The following LRRC7 variants were observed in gnomAD, a reference collection of about 807,000 sequenced individuals.
LRRC7 encodes the protein leucine rich repeat containing 7.
LRRC7 carries 23 observed loss-of-function variants against 175.7 expected under a neutral mutation model. The observed-to-expected ratio is 0.13, with a 90% CI of 0.09 to 0.19. LRRC7 has a LOEUF of 0.19. Among genes scored for constraint, LRRC7 ranks in the 10% least tolerant of loss-of-function variants. The pLI, the probability that LRRC7 is intolerant of heterozygous loss-of-function variation, is 1.00. For missense variants in LRRC7, 1,354 were observed against 1,904.7 expected, an observed-to-expected ratio of 0.71 and a Z score of 5.38; for synonymous variants, 685 against 680.9, an observed-to-expected ratio of 1.01 and a Z score of -0.09.
chr1:69,950,157 A>G (rs958022205), intron 8 of LRRC7, among the ~76,000 whole-genome samples: 6 of 152,110 alleles, frequency 3.9e-5, no homozygotes, highest in Non-Finnish European at 7.4e-5. Context: ...AAATTTTGCC[A>G]TTCAGAAATC....
chr1:69,653,869 A>T (rs1301249345), intron 1 of LRRC7, among the ~76,000 whole-genome samples: 1 of 152,092 alleles, frequency 6.6e-6, no homozygotes, highest in Non-Finnish European at 1.5e-5. Flanking sequence ...CAGAAGGACA[A>T]ATACTAAATG....
chr1:69,626,196 A>T (rs998270240), intron 1 of LRRC7, among the ~76,000 whole-genome samples: 1 of 152,134 alleles, frequency 6.6e-6, no homozygotes, highest in Non-Finnish European at 1.5e-5. Context: ...CCTCAGGAAC[A>T]TCTTGCTTGA....
At chr1:69,570,547 A>G (rs1193868200) in intron 1 of LRRC7, among the ~76,000 whole-genome samples, 2 of 151,900 alleles carry the variant, frequency 1.3e-5, no homozygotes, top group African/African-American at 2.4e-5. Flanking sequence ...GCACTTCAGA[A>G]CCTGCTGTGA....
At chr1:69,908,271 G>C (rs944292877) in intron 7 of LRRC7, among the ~76,000 whole-genome samples, 1 of 152,022 alleles carries the variant, frequency 6.6e-6, no homozygotes, top group African/African-American at 2.4e-5. Flanking sequence ...CTTCAGTTCT[G>C]CTCTGACTTT....
intron 7 of LRRC7, among the ~76,000 whole-genome samples, chr1:69,867,850 G>A (rs752288245): frequency 6.6e-6 from 1 of 152,148 alleles, no homozygotes; most frequent in South Asian, 2.1e-4. Flanking sequence ...GAAACTTAGA[G>A]GATAGGACAG....
At chr1:69,801,284 G>A (rs888783823) in intron 4 of LRRC7, among the ~76,000 whole-genome samples, 2 of 151,742 alleles carry the variant, frequency 1.3e-5, no homozygotes, top group Admixed American at 6.6e-5. Context: ...TGTTTCATGA[G>A]GATTGGTACC....
At chr1:69,717,964 AG>A (rs1157097069) in intron 2 of LRRC7, among the ~76,000 whole-genome samples, 2 of 52,150 alleles carry the variant, frequency 3.8e-5, no homozygotes, top group South Asian at 6.9e-4. Flanking sequence ...AAGAAGAAAA[AG>A]AAAGAAAGAG....
At chr1:69,641,152 G>A (rs898269819) in intron 1 of LRRC7, among the ~76,000 whole-genome samples, 4 of 151,344 alleles carry the variant, frequency 2.6e-5, no homozygotes, top group African/African-American at 9.7e-5. Flanking sequence ...TTTACATTAG[G>A]AATAAATTCA....
intron 1 of LRRC7, among the ~76,000 whole-genome samples, chr1:69,623,097 C>A (rs1282510263): frequency 6.6e-6 from 1 of 152,132 alleles, no homozygotes; most frequent in Non-Finnish European, 1.5e-5. Flanking sequence ...AGCCTTTTAC[C>A]CGTATCCTAA....
intron 1 of LRRC7, among the ~76,000 whole-genome samples, chr1:69,636,419 G>GCACA (rs1653367372): frequency 3.0e-5 from 1 of 33,336 alleles, no homozygotes; most frequent in Admixed American, 4.9e-4. Context: ...TTACATCCAG[G>GCACA]CACAGACACA....
At chr1:69,782,522 G>A (rs762159003) in intron 3 of LRRC7, among the ~76,000 whole-genome samples, 64 of 152,172 alleles carry the variant, frequency 4.2e-4, no homozygotes, top group Non-Finnish European at 8.8e-5. Context: ...TAAAGTCAAG[G>A]CAGAGTACAC....
At chr1:69,959,558 G>T (rs1483798320) in intron 8 of LRRC7, among the ~76,000 whole-genome samples, 3 of 152,032 alleles carry the variant, frequency 2.0e-5, no homozygotes, top group Non-Finnish European at 4.4e-5. Flanking sequence ...AGGTGGAGAA[G>T]AACAGATTGG....
chr1:69,967,906 C>G (rs1488567309), intron 8 of LRRC7, among the ~76,000 whole-genome samples: 1 of 151,910 alleles, frequency 6.6e-6, no homozygotes, highest in Non-Finnish European at 1.5e-5. Context: ...TTTAACACCC[C>G]CAAAAAATCA....
rs548329534 is a variant in LRRC7 at position 69,613,709 on chromosome 1, G to A, written c.2+45068G>A. On this transcript the variant is annotated intron_variant, in intron 1 of 26. Transcript: ENST00000651989. ...TGAAATATTTGCTCATTAAGTGGAT[G>A]TATATTTCAAATGTTGGGCAAAGCA... 2.0e-5 allele frequency among the ~76,000 whole-genome samples: 3 copies of A among 152,150 alleles called. No individual in the cohort carries two copies. The South Asian group carries it at 6.2e-4, about 32-fold the overall frequency.
intron 2 of LRRC7, among the ~76,000 whole-genome samples, chr1:69,706,531 T>G (rs1177412112): frequency 6.6e-6 from 1 of 152,210 alleles, no homozygotes. Flanking sequence ...CAAGTCATTT[T>G]CACACATGGC....
At chr1:69,642,189 T>G (rs1164494872) in intron 1 of LRRC7, among the ~76,000 whole-genome samples, 1 of 152,006 alleles carries the variant, frequency 6.6e-6, no homozygotes, top group African/African-American at 2.4e-5. Flanking sequence ...TAAATTTTCT[T>G]TTAATAAAAA....
At position 69,988,120 on chromosome 1, in the gene LRRC7, C is replaced by G. The variant is rs563077935; in HGVS notation, c.931+1734C>G. On this transcript the variant is annotated intron_variant, in intron 10 of 26. Coordinates refer to ENST00000651989, the MANE Select transcript of LRRC7 (RefSeq NM_001370785.2). ...CTTAATACATAACCTTACACTCCTACTCACCACCATCCCATACCATTTTAA... is the reference window on the plus strand; with the variant it reads ...CTTAATACATAACCTTACACTCCTAGTCACCACCATCCCATACCATTTTAA... 2.0e-5 allele frequency among the ~76,000 whole-genome samples: 3 copies of G among 152,214 alleles called. No homozygotes were observed. The East Asian group carries it at 5.8e-4, about 29-fold the overall frequency.
chr1:69,753,819 T>A (rs1670112858), intron 2 of LRRC7, among the ~76,000 whole-genome samples: 1 of 152,054 alleles, frequency 6.6e-6, no homozygotes, highest in African/African-American at 2.4e-5. Context: ...TAAAATATGA[T>A]CAAAGTGAAT....
intron 1 of LRRC7, among the ~76,000 whole-genome samples, chr1:69,620,091 TG>T (rs1478458467): frequency 6.6e-6 from 1 of 152,218 alleles, no homozygotes; most frequent in African/African-American, 2.4e-5. Flanking sequence ...TGTGTGAACC[TG>T]GATTCTTCAT....
Sources: gnomAD v4.1 joint callset for allele counts (sites outside exome capture counted in the v4.1 genomes callset) on GRCh38, gnomAD v4.1.1 for gene constraint, MANE v1.5 for transcripts, NCBI Gene and HGNC (gene_info 2026-07-23, HGNC 2026-07-21) for gene names.